The following ATP6V1E2 variants were observed in gnomAD, a reference collection of about 807,000 sequenced individuals.
ATP6V1E2 encodes the protein ATPase H+ transporting V1 subunit E2, also known as V-type proton ATPase subunit E 2.
For synonymous variants in ATP6V1E2, 121 were observed against 104.2 expected (o/e 1.16, Z -0.98); for missense variants, 308 against 273.3 (o/e 1.13, Z -0.90).
intron 4 of ATP6V1E2, among the ~76,000 whole-genome samples, chr2:46,527,542 T>G (rs1056013471): frequency 2.0e-5 from 3 of 152,108 alleles, no homozygotes; most frequent in Non-Finnish European, 2.9e-5. Flanking sequence ...TTTTTAAATT[T>G]TTTTGTAGAG....
intron 4 of ATP6V1E2, among the ~76,000 whole-genome samples, chr2:46,518,759 TG>T (rs1666442557): frequency 1.4e-3 from 2 of 1,442 alleles, no homozygotes; most frequent in South Asian, 0.042. Flanking sequence ...AAGTCAATTT[TG>T]TGTGTGTGTG....
In ATP6V1E2 at chr2:46,512,622, G is replaced by T. The variant is rs754606142; in HGVS notation, c.90C>A (p.Ile30=). ...EQEANEKAEE[I]DAKAEEEFNI... The stretch of plus-strand genomic sequence containing the variant: ...TAAACTCTTCCTCAGCCTTGGCATC[G>T]ATTTCCTCTGCTTTCTCATTGGCTT... Residue 30 remains isoleucine, a synonymous_variant, in exon 5 of 5, where the codon ATC becomes ATA. Transcript: ENST00000522587. 1 of 1,614,062 alleles carries T rather than the reference G, an allele frequency of 6.2e-7. No individual in the cohort carries two copies. The highest frequency in any genetic ancestry group is 8.5e-7 in the Non-Finnish European group (1 of 1,180,050).
At chr2:46,514,240 T>C (rs529619879) in intron 4 of ATP6V1E2, among the ~76,000 whole-genome samples, 2 of 152,136 alleles carry the variant, frequency 1.3e-5, no homozygotes, top group South Asian at 2.1e-4. Context: ...AACTCGACTA[T>C]TGCAGTCCAG....
chr2:46,525,458 T>G (rs1368820696), intron 4 of ATP6V1E2, among the ~76,000 whole-genome samples: 4 of 67,700 alleles, frequency 5.9e-5, no homozygotes, highest in South Asian at 4.6e-4. Flanking sequence ...CGAGACTCCG[T>G]CTCAAAAAAA....
At chr2:46,525,739 G>A (rs1666887839) in intron 4 of ATP6V1E2, among the ~76,000 whole-genome samples, 1 of 152,162 alleles carries the variant, frequency 6.6e-6, no homozygotes, top group African/African-American at 2.4e-5. Flanking sequence ...TACAGGCAGG[G>A]GAAGAAACCT....
rs542015127 is a variant in ATP6V1E2, at chr2:46,526,175, G to A, written c.-102+9638C>T. ...TTGTTGCCCAGGCTGGAGTGCGGTGGTGTGATCTCGGCTCACTACAACCCC... is the reference window on the plus strand; with the variant it reads ...TTGTTGCCCAGGCTGGAGTGCGGTGATGTGATCTCGGCTCACTACAACCCC... On this transcript the variant is annotated intron_variant, in intron 4 of 4. Transcript: ENST00000522587. Among the ~76,000 whole-genome samples, 197 of 152,264 alleles carry A rather than the reference G, an allele frequency of 1.3e-3. 5 individuals are homozygous for A. In the South Asian group the frequency reaches 0.039, roughly 30 times the overall value.
At chr2:46,529,743 G>T (rs570099763) in intron 4 of ATP6V1E2, among the ~76,000 whole-genome samples, 2 of 151,612 alleles carry the variant, frequency 1.3e-5, no homozygotes, top group Non-Finnish European at 2.9e-5. Context: ...GTAACAGAGT[G>T]ACATCTGTCT....
chr2:46,534,604 T>C (rs746826697), intron 4 of ATP6V1E2: 5 of 152,242 alleles, frequency 3.3e-5, no homozygotes, highest in African/African-American at 4.8e-5. Context: ...TTTAATGTTG[T>C]TAAATGTCTG....
chr2:46,521,979 T>C (rs1413062869), intron 4 of ATP6V1E2, among the ~76,000 whole-genome samples: 4 of 152,172 alleles, frequency 2.6e-5, no homozygotes, highest in Non-Finnish European at 5.9e-5. Flanking sequence ...TGTGAGCCAC[T>C]GCGCCAGGCC....
At chr2:46,539,039 G>A (rs1667588290) in intron 2 of ATP6V1E2, among the ~76,000 whole-genome samples, 1 of 152,086 alleles carries the variant, frequency 6.6e-6, no homozygotes, top group South Asian at 2.1e-4. Context: ...GTCCACCTAG[G>A]GATCAACAGG....
intron 4 of ATP6V1E2, among the ~76,000 whole-genome samples, chr2:46,525,927 A>ATC (rs1459600615): frequency 6.6e-6 from 1 of 150,604 alleles, no homozygotes; most frequent in African/African-American, 2.4e-5. Flanking sequence ...CTTCATTTCC[A>ATC]TCCCTGTCTA....
At chr2:46,526,956 C>G (rs952351932) in intron 4 of ATP6V1E2, among the ~76,000 whole-genome samples, 1 of 152,180 alleles carries the variant, frequency 6.6e-6, no homozygotes, top group Non-Finnish European at 1.5e-5. Context: ...ACATCTGCAC[C>G]ATTTTCCCCG....
chr2:46,518,410 A>G (rs1666402906), intron 4 of ATP6V1E2, among the ~76,000 whole-genome samples: 1 of 151,874 alleles, frequency 6.6e-6, no homozygotes, highest in African/African-American at 2.4e-5. Flanking sequence ...AAAAAGTTCT[A>G]GAGACCTGCT....
At chr2:46,520,397 T>C (rs1384856782) in intron 4 of ATP6V1E2, among the ~76,000 whole-genome samples, 6 of 152,360 alleles carry the variant, frequency 3.9e-5, no homozygotes, top group African/African-American at 1.2e-4. Flanking sequence ...CAGACACTTC[T>C]ACCCTGCTGA....
At chr2:46,527,133 C>T (rs1666962014) in intron 4 of ATP6V1E2, among the ~76,000 whole-genome samples, 1 of 152,168 alleles carries the variant, frequency 6.6e-6, no homozygotes, top group Non-Finnish European at 1.5e-5. Flanking sequence ...TAGCTCACTG[C>T]AGCCTCAAAC....
intron 4 of ATP6V1E2, among the ~76,000 whole-genome samples, chr2:46,524,337 G>A (rs1666785959): frequency 6.6e-6 from 1 of 152,076 alleles, no homozygotes; most frequent in South Asian, 2.1e-4. Context: ...AAGAACATAA[G>A]GCAATTTCGG....
At chr2:46,524,164 T>A (rs965635758) in intron 4 of ATP6V1E2, among the ~76,000 whole-genome samples, 1 of 151,384 alleles carries the variant, frequency 6.6e-6, no homozygotes, top group Non-Finnish European at 1.5e-5. Context: ...TATAAAATCA[T>A]GTCGTCTGCA....
chr2:46,526,088 T>C lies in ATP6V1E2; in HGVS notation c.-102+9725A>G, dbSNP rs528627342. Among the ~76,000 whole-genome samples the C allele has an allele frequency of 2.0e-5, 3 of 152,292 alleles. No homozygotes were observed. In the South Asian group the frequency reaches 6.2e-4, roughly 32 times the overall value. ...AAAATGTACATAACAAATTTTGCCA[T>C]TTAACCATTTTTAAGTGTACATTAT... On this transcript the variant is annotated intron_variant, in intron 4 of 4. Transcript: ENST00000522587.
At position 46,542,458 on chromosome 2, in the gene ATP6V1E2, C is replaced by G. The variant is rs1667833516; in HGVS notation, c.-615G>C. 6.6e-6 allele frequency: 1 copy of G among 150,998 alleles called. No homozygotes were observed. Among genetic ancestry groups the G allele is most frequent in the African/African-American group, 2.4e-5 (1 of 41,332 alleles). The allele number at this position is 150,998 out of a possible 1,614,324, so 9.4% of individuals were successfully genotyped here. A position where few individuals can be genotyped will look rare whatever the true frequency, so the allele number is the denominator to read the frequency against. Reference sequence around the variant, plus strand: ...GGAGCCCTCGGCTCCCCAGGCGACTCCCCTCCTCCCCTCCGCGGTCCTCGG... The same window carrying G: ...GGAGCCCTCGGCTCCCCAGGCGACTGCCCTCCTCCCCTCCGCGGTCCTCGG... On this transcript the variant is annotated 5_prime_UTR_variant, in exon 1 of 5. Transcript: ENST00000522587.
Sources: gnomAD v4.1 joint callset for allele counts (sites outside exome capture counted in the v4.1 genomes callset) on GRCh38, gnomAD v4.1.1 for gene constraint, MANE v1.5 for transcripts, NCBI Gene and HGNC (gene_info 2026-07-23, HGNC 2026-07-21) for gene names.